Variants in SYNGR1 observed in about 807,000 individuals in gnomAD.
SYNGR1 encodes synaptogyrin 1.
In SYNGR1, 14 loss-of-function variants were observed where a neutral mutation model predicts 26.1. The observed-to-expected ratio is 0.54, with a 90% CI of 0.35 to 0.84. The LOEUF (loss-of-function observed/expected upper bound fraction) is 0.84, where lower values mean the gene tolerates loss of function less well. Among genes scored for constraint, SYNGR1 ranks in the 40% least tolerant of loss-of-function variants. The probability of loss-of-function intolerance (pLI) is 0.01; values close to 1 mark genes in which losing one functional copy is unlikely to be tolerated. For missense variants in SYNGR1, 319 were observed against 332.9 expected, an observed-to-expected ratio of 0.96 and a Z score of 0.33; for synonymous variants, 141 against 150.1, an observed-to-expected ratio of 0.94 and a Z score of 0.44.
intron 1 of SYNGR1, among the ~76,000 whole-genome samples, chr22:39,352,059 A>G (rs1410253600): frequency 1.3e-5 from 2 of 152,196 alleles, no homozygotes; most frequent in Admixed American, 6.5e-5. Context: ...GAGCGAGGCC[A>G]AGTGCCTGGC....
chr22:39,384,464 A>G lies in SYNGR1; in HGVS notation c.*2550A>G. 1 of 398,584 alleles carries G rather than the reference A, an allele frequency of 2.5e-6. No homozygotes were observed. The highest frequency in any genetic ancestry group is 4.4e-6 in the Non-Finnish European group (1 of 226,082). The allele number at this position is 398,584 out of a possible 1,614,324, so 24.7% of individuals were successfully genotyped here. On this transcript the variant is annotated 3_prime_UTR_variant, in exon 4 of 4. Transcript: ENST00000328933. ...AGCCCTTCCAGGCATGATCTTCCCC[A>G]TCAGGCTGGGCTCTGGCAGGGACCT...
chr22:39,383,022 C>T lies in SYNGR1; in HGVS notation c.*1108C>T, dbSNP rs1925549587. 1 of 152,348 alleles carries T rather than the reference C, an allele frequency of 6.6e-6. No homozygotes were observed. The allele number at this position is 152,348 out of a possible 1,614,324, so 9.4% of individuals were successfully genotyped here. The stretch of plus-strand genomic sequence containing the variant: ...GTGAGTGGCAAAGCTGGCCCTGACG[C>T]CTGGGTTTCTTGGCCCCAGCTGCCC... On this transcript the variant is annotated 3_prime_UTR_variant, in exon 4 of 4. Transcript: ENST00000328933.
intron 1 of SYNGR1, chr22:39,364,044 C>T (rs1468316331): frequency 2.4e-5 from 31 of 1,318,702 alleles, no homozygotes; most frequent in Non-Finnish European, 3.2e-5. Flanking sequence ...CCTGAGCCTT[C>T]GTTAGCCGAC....
At chr22:39,365,988 C>CTTCT (rs1756047865) in intron 1 of SYNGR1, among the ~76,000 whole-genome samples, 1 of 68,384 alleles carries the variant, frequency 1.5e-5, no homozygotes, top group Admixed American at 2.3e-4. Context: ...TCAGCCCCTT[C>CTTCT]TTTTTTTTTT....
chr22:39,372,574 A>G (rs1183055905), intron 1 of SYNGR1, among the ~76,000 whole-genome samples: 1 of 150,276 alleles, frequency 6.7e-6, no homozygotes, highest in African/African-American at 2.5e-5. Context: ...GGCTCAAGCA[A>G]TTCTCCTGCC....
At chr22:39,369,791 C>T (rs1457898888) in intron 1 of SYNGR1, among the ~76,000 whole-genome samples, 1 of 152,202 alleles carries the variant, frequency 6.6e-6, no homozygotes, top group Non-Finnish European at 1.5e-5. Context: ...CCTCACGGGT[C>T]TGAAGTCTCA....
intron 1 of SYNGR1, among the ~76,000 whole-genome samples, chr22:39,357,389 CCTCACTTGCT>C (rs1924191896): frequency 6.6e-6 from 1 of 152,178 alleles, no homozygotes; most frequent in Non-Finnish European, 1.5e-5. Context: ...TCCTCACAGC[CCTCACTTGCT>C]CTCGGCTCCT....
chr22:39,377,137 G>T lies in SYNGR1; in HGVS notation c.483+940G>T, dbSNP rs1047424668. The T allele has an allele frequency of 6.6e-6, 10 of 1,504,674 alleles. No homozygotes were observed. In the African/African-American group the frequency reaches 7.0e-5, roughly 11 times the overall value. The allele number at this position is 1,504,674 out of a possible 1,614,324, so 93.2% of individuals were successfully genotyped here. On this transcript the variant is annotated intron_variant, in intron 3 of 3. Transcript: ENST00000328933. Reference sequence around the variant, plus strand: ...AGCCTCCTGCAAGGAGACTCTTGAGGCTACATACAGGCCGCCAGCCGTCCC... The same window carrying T: ...AGCCTCCTGCAAGGAGACTCTTGAGTCTACATACAGGCCGCCAGCCGTCCC...
intron 1 of SYNGR1, among the ~76,000 whole-genome samples, chr22:39,362,765 G>A (rs368986133): frequency 3.5e-4 from 53 of 152,178 alleles, no homozygotes; most frequent in African/African-American, 1.2e-3. Flanking sequence ...GTGCACAGGG[G>A]TGTGCAAGCG....
In SYNGR1 at chr22:39,364,256, A is replaced by G. The variant is rs527390350; in HGVS notation, c.100-10060A>G. On this transcript the variant is annotated intron_variant, in intron 1 of 3. Coordinates refer to ENST00000328933, the MANE Select transcript of SYNGR1 (RefSeq NM_004711.5). The stretch of plus-strand genomic sequence containing the variant: ...CCTTCATGGATAGGCAGCTGGACAC[A>G]GAGGTCGTGGGTGAGCTGGAGGAGC... The G allele has an allele frequency of 2.2e-5, 36 of 1,614,116 alleles. No individual in the cohort carries two copies. In the East Asian group the frequency reaches 5.8e-4, roughly 26 times the overall value.
At chr22:39,368,082 A>G (rs1290060696) in intron 1 of SYNGR1, among the ~76,000 whole-genome samples, 8 of 152,142 alleles carry the variant, frequency 5.3e-5, no homozygotes, top group Non-Finnish European at 1.0e-4. Context: ...TTCCCTGGCC[A>G]TCACTGCTCC....
At chr22:39,359,851 C>T (rs1924383682) in intron 1 of SYNGR1, among the ~76,000 whole-genome samples, 1 of 152,044 alleles carries the variant, frequency 6.6e-6, no homozygotes, top group Admixed American at 6.6e-5. Context: ...AGTAGCCTCT[C>T]GCACTCCCTG....
intron 1 of SYNGR1, among the ~76,000 whole-genome samples, chr22:39,359,782 C>A (rs79951272): frequency 2.0e-5 from 3 of 151,956 alleles, no homozygotes; most frequent in African/African-American, 7.3e-5. Context: ...TGGTCTTGTC[C>A]GCCAGCCTCA....
chr22:39,372,602 T>TG (rs1925080879), intron 1 of SYNGR1, among the ~76,000 whole-genome samples: 1 of 151,952 alleles, frequency 6.6e-6, no homozygotes, highest in South Asian at 2.1e-4. Flanking sequence ...CCCAAGTTGC[T>TG]GGATGACAGG....
intron 3 of SYNGR1, chr22:39,377,586 C>A: frequency 6.2e-7 from 1 of 1,613,200 alleles, no homozygotes; most frequent in South Asian, 1.1e-5. Context: ...CACCCCTACT[C>A]TCTCCTGGCA....
In SYNGR1 at chr22:39,353,018, C is replaced by T. The variant is rs1194140494; in HGVS notation, c.99+2909C>T. Among the ~76,000 whole-genome samples the T allele has an allele frequency of 2.6e-5, 4 of 152,046 alleles. No individual in the cohort carries two copies. In the South Asian group the frequency reaches 6.2e-4, roughly 24 times the overall value. Reference sequence around the variant, plus strand: ...CTGGGACTACAGGCACACACCACCACGCCCAGCTAATTTTTGTATTTTTAG... The same window carrying T: ...CTGGGACTACAGGCACACACCACCATGCCCAGCTAATTTTTGTATTTTTAG... On this transcript the variant is annotated intron_variant, in intron 1 of 3. Transcript: ENST00000328933.
chr22:39,355,982 G>A (rs775092166), intron 1 of SYNGR1, among the ~76,000 whole-genome samples: 2 of 152,142 alleles, frequency 1.3e-5, no homozygotes, highest in African/African-American at 2.4e-5. Flanking sequence ...TTGCGCCATC[G>A]CACTCCAGCC....
chr22:39,375,696 A>G, intron 2 of SYNGR1: 2 of 586,026 alleles, frequency 3.4e-6, no homozygotes, highest in Non-Finnish European at 6.1e-6. Context: ...GTGGCTGGAC[A>G]TGGGGGTTTG....
chr22:39,377,273 T>C (rs1279238342), intron 3 of SYNGR1: 4 of 982,518 alleles, frequency 4.1e-6, no homozygotes, highest in Non-Finnish European at 4.8e-6. Context: ...TATTAGAAGA[T>C]AGCATTTGGA....
Sources: allele counts gnomAD v4.1 joint callset (sites outside exome capture counted in the v4.1 genomes callset), GRCh38; gene constraint gnomAD v4.1.1; transcripts MANE v1.5; gene names NCBI Gene and HGNC (gene_info 2026-07-23, HGNC 2026-07-21).